Variants in NDEL1 observed in about 807,000 individuals in gnomAD.
NDEL1 encodes the protein nuclear distribution protein nudE-like 1.
A neutral mutation model predicts 45.7 loss-of-function variants in NDEL1; 9 were observed. The ratio of observed to expected loss-of-function variants is 0.20; its 90% CI spans 0.12 to 0.34. The LOEUF (loss-of-function observed/expected upper bound fraction) is 0.34. Ranked by LOEUF, NDEL1 falls within the 10% of genes least tolerant of loss-of-function variation. NDEL1 has a pLI of 1.00. For missense variants in NDEL1, 306 were observed against 406.2 expected (o/e 0.75, Z 2.12); for synonymous variants, 133 against 158.6 (o/e 0.84, Z 1.21).
At chr17:8,422,225 T>A (rs540743819) in intron 1 of NDEL1, among the ~76,000 whole-genome samples, 87 of 152,294 alleles carry the variant, frequency 5.7e-4, no homozygotes, top group Non-Finnish European at 1.0e-3. Context: ...TTAATAACCA[T>A]CCTGTTAACA....
chr17:8,463,280 T>C (rs752773963), intron 8 of NDEL1: 3 of 1,543,332 alleles, frequency 1.9e-6, no homozygotes, highest in Non-Finnish European at 2.7e-6. Flanking sequence ...GGAAATAGTA[T>C]TCGTATTACT....
rs774014901 is a variant in NDEL1, at chr17:8,460,036, A to G, written c.820A>G (p.Arg274Gly). 2 of 1,613,802 alleles carry G rather than the reference A, an allele frequency of 1.2e-6. No homozygotes were observed. The highest frequency in any genetic ancestry group is 1.1e-5 in the South Asian group (1 of 90,954). ...GALESKLAAC[R>G]NFAKDQASRK... ...TTTAGAATCCAAATTAGCAGCTTGCAGGAATTTTGCAAAGGACCAAGCATC... is the reference window on the plus strand; with the variant it reads ...TTTAGAATCCAAATTAGCAGCTTGCGGGAATTTTGCAAAGGACCAAGCATC... The change falls in exon 8 of 9, where the codon AGG (arginine) becomes GGG (glycine). Residue 274 changes from arginine to glycine, a missense_variant. This residue lies in a region of NDEL1 where 175 missense variants were observed against 205.2 expected (regional missense o/e 0.85). Transcript: ENST00000334527.
At chr17:8,450,703 C>G in intron 5 of NDEL1, 77 bp from the exon 6 acceptor site, 1 of 1,273,950 alleles carries the variant, frequency 7.8e-7, no homozygotes. Flanking sequence ...ACCTTTATGA[C>G]ATTTTAGATG....
chr17:8,414,598 C>T (rs764420604), intron 1 of NDEL1, among the ~76,000 whole-genome samples: 22 of 152,000 alleles, frequency 1.4e-4, no homozygotes, highest in Non-Finnish European at 1.9e-4. Context: ...ACTTGGGAGG[C>T]GGAGCTGGCA....
intron 1 of NDEL1, among the ~76,000 whole-genome samples, chr17:8,426,166 G>T (rs556207029): frequency 2.4e-4 from 36 of 152,268 alleles, no homozygotes; most frequent in African/African-American, 6.7e-4. Context: ...AGGAAGGAAA[G>T]AATTTAGCTT....
At chr17:8,415,144 C>T (rs1908515208) in intron 1 of NDEL1, among the ~76,000 whole-genome samples, 1 of 136,976 alleles carries the variant, frequency 7.3e-6, no homozygotes, top group Non-Finnish European at 1.5e-5. Flanking sequence ...TTCTCTCTTT[C>T]TGTCTCTCTG....
intron 1 of NDEL1, among the ~76,000 whole-genome samples, chr17:8,417,514 A>G (rs980135831): frequency 1.3e-5 from 2 of 152,268 alleles, no homozygotes; most frequent in Non-Finnish European, 2.9e-5. Flanking sequence ...TGTTCAAGGA[A>G]CTAGAAGCCG....
At chr17:8,423,071 C>G (rs185382245) in intron 1 of NDEL1, among the ~76,000 whole-genome samples, 7 of 152,306 alleles carry the variant, frequency 4.6e-5, no homozygotes, top group African/African-American at 1.7e-4. Flanking sequence ...TGTGTTGTAT[C>G]TCATAGGGAT....
chr17:8,435,231 T>G (rs1174323979), upstream of NDEL1, among the ~76,000 whole-genome samples: 1 of 152,102 alleles, frequency 6.6e-6, no homozygotes, highest in Non-Finnish European at 1.5e-5. Flanking sequence ...TGCTCAGATA[T>G]ATACAATATA....
Position 8,454,801 on chromosome 17 carries a change from C to G in NDEL1, c.706C>G (p.Pro236Ala), listed in dbSNP as rs1910728216. 1 of 1,612,230 alleles carries G rather than the reference C, an allele frequency of 6.2e-7. No individual in the cohort carries two copies. The highest frequency in any genetic ancestry group is 1.1e-5 in the South Asian group (1 of 90,884). ...CAGCTTTTATTTTTCTCTAGCTATA[C>G]CAAATGGTTTTGGTACCAGTCCACT... ...ENTFPSPKAI[P>A]NGFGTSPLTP... Residue 236 changes from proline (P) to alanine (A), a missense_variant, in exon 7 of 9, where the codon CCA becomes GCA. Pro to Ala is a conservative substitution (Grantham distance 27). Coordinates refer to ENST00000334527, the MANE Select transcript of NDEL1 (RefSeq NM_030808.5).
intron 3 of NDEL1, among the ~76,000 whole-genome samples, chr17:8,473,221 CTG>C (rs1029539184): frequency 6.6e-6 from 1 of 151,918 alleles, no homozygotes; most frequent in African/African-American, 2.4e-5. Flanking sequence ...TCGCCCTTCT[CTG>C]TCACCCAGGC....
At position 8,446,910 on chromosome 17, in the gene NDEL1, A is replaced by C; in HGVS notation, c.389+8A>C. ...CCTGGAGCGAGCCAAAAGGTAAACG[A>C]ATGACTGCATTTTGTTAGAAAAAAA... On this transcript the variant is annotated splice_region_variant and intron_variant, in intron 4 of 8. Transcript: ENST00000334527. The C allele has an allele frequency of 6.2e-7, 1 of 1,613,048 alleles. No individual in the cohort carries two copies. The highest frequency in any genetic ancestry group is 1.7e-5 in the Admixed American group (1 of 59,854).
At chr17:8,453,391 G>A (rs561654969) in intron 6 of NDEL1, among the ~76,000 whole-genome samples, 3 of 152,278 alleles carry the variant, frequency 2.0e-5, no homozygotes, top group South Asian at 2.1e-4. Context: ...TACTTACTAC[G>A]TGCATTTTTA....
At chr17:8,443,947 C>T (rs1909921473) in intron 1 of NDEL1, 1 of 199,114 alleles carries the variant, frequency 5.0e-6, no homozygotes, top group Admixed American at 5.9e-5. Flanking sequence ...GGCCTTAAAC[C>T]AACTGCTGCA....
rs538022797 is a variant in NDEL1 at position 8,417,914 on chromosome 17, T to TTGCC, written c.-13+4648_-13+4651dup. ...AGAAGTAGATGCCTTGGCTTGTTGA[T>TTGCC]TGCCTGGGCTGTGAAGCCTGTGTTG... On this transcript the variant is annotated intron_variant, in intron 1 of 4. Coordinates refer to the NDEL1 transcript ENST00000582812. Among the ~76,000 whole-genome samples, 375 of 152,352 alleles carry TTGCC rather than the reference T, an allele frequency of 2.5e-3. 1 individual carries two copies. Among genetic ancestry groups the TTGCC allele is most frequent in the African/African-American group, 8.7e-3 (360 of 41,588 alleles).
chr17:8,437,660 T>C (rs1909438530), intron 1 of NDEL1, among the ~76,000 whole-genome samples: 1 of 152,198 alleles, frequency 6.6e-6, no homozygotes, highest in East Asian at 1.9e-4. Flanking sequence ...TAAAAAGGCA[T>C]ATATTGCCAA....
chr17:8,435,833 T>TG (rs1567724720), upstream of NDEL1: 1 of 444,336 alleles, frequency 2.3e-6, no homozygotes, highest in East Asian at 7.6e-5. Flanking sequence ...CTGCCGCGCA[T>TG]GCTCCGAGCC....
In NDEL1 at chr17:8,446,826, C is replaced by T. The variant is rs142254099; in HGVS notation, c.313C>T (p.Arg105Trp). The T allele has an allele frequency of 2.7e-5, 43 of 1,614,062 alleles. No homozygotes were observed. The highest frequency in any genetic ancestry group is 3.0e-5 in the Non-Finnish European group (35 of 1,180,038). The change falls in exon 4 of 9, where the codon CGG becomes TGG. Residue 105 changes from arginine (R) to tryptophan (W), a missense_variant. Coordinates refer to ENST00000334527, the MANE Select transcript of NDEL1 (RefSeq NM_030808.5). ...GTTAGAAGATGATTTAAGTCAGACTCGGGCCATTAAGGAGCAGTTGCATAA... is the reference window on the plus strand; with the variant it reads ...GTTAGAAGATGATTTAAGTCAGACTTGGGCCATTAAGGAGCAGTTGCATAA... ...SVLEDDLSQT[R>W]AIKEQLHKYV...
intron 1 of NDEL1, among the ~76,000 whole-genome samples, chr17:8,419,861 A>G (rs964006571): frequency 1.3e-5 from 2 of 152,168 alleles, no homozygotes; most frequent in African/African-American, 2.4e-5. Flanking sequence ...ACAGCTTTGC[A>G]TCACAGTGAA....
Sources: gnomAD v4.1 joint callset for allele counts (sites outside exome capture counted in the v4.1 genomes callset) on GRCh38, gnomAD v4.1.1 for gene constraint, gnomAD v4.1.1 regional missense constraint, MANE v1.5 for transcripts, NCBI Gene and HGNC (gene_info 2026-07-23, HGNC 2026-07-21) for gene names.